Variants in B4GALNT3 observed in about 807,000 individuals in gnomAD.
B4GALNT3 encodes the protein beta-1,4-N-acetylgalactosaminyltransferase 3.
In B4GALNT3, 86 loss-of-function variants were observed where a neutral mutation model predicts 120.2. The observed-to-expected ratio is 0.72, with a 90% CI of 0.60 to 0.86. B4GALNT3 has a LOEUF of 0.86. B4GALNT3 is among the 40% of genes least tolerant of loss of function. B4GALNT3 has a pLI of 0.00. For synonymous variants in B4GALNT3, 518 were observed against 510.4 expected (o/e 1.01, Z -0.20); for missense variants, 1,167 against 1,298.9 (o/e 0.90, Z 1.56).
At chr12:537,288 G>T (rs550531796) in intron 3 of B4GALNT3, among the ~76,000 whole-genome samples, 2 of 152,114 alleles carry the variant, frequency 1.3e-5, no homozygotes, top group South Asian at 2.1e-4. Context: ...TCATCTTTTG[G>T]TTTTTTATTT....
In B4GALNT3 at chr12:546,774, G is replaced by A. The variant is rs192150304; in HGVS notation, c.707+61G>A. ...CGGTGCCTCGGTGGAGCCCGGCTGC[G>A]CCCCTGTCCGCCAGCCCAGCTGCCG... On this transcript the variant is annotated intron_variant, in intron 7 of 19. Coordinates refer to ENST00000266383, the MANE Select transcript of B4GALNT3 (RefSeq NM_173593.4). The A allele has an allele frequency of 1.4e-3, 2,087 of 1,465,220 alleles. 26 individuals carry two copies. In the African/African-American group the frequency reaches 0.026, roughly 18 times the overall value. The allele number at this position is 1,465,220 out of a possible 1,614,324, so 90.8% of individuals were successfully genotyped here. A position where few individuals can be genotyped will look rare whatever the true frequency, so the allele number is the denominator to read the frequency against.
In B4GALNT3 at chr12:536,140, A is replaced by T. The variant is rs74056261; in HGVS notation, c.274-78A>T. The T allele has an allele frequency of 1.9e-3, 2,309 of 1,217,364 alleles. 35 individuals carry two copies. In the African/African-American group the frequency reaches 0.031, roughly 16 times the overall value. The allele number at this position is 1,217,364 out of a possible 1,614,324, so 75.4% of individuals were successfully genotyped here. On this transcript the variant is annotated intron_variant, in intron 2 of 19. Transcript: ENST00000266383. Reference sequence around the variant, plus strand: ...CTCCGAGCCGACGCCTCCTGGGAGCAGGCACTGTGCCTCCTGTCCTGCCCG... The same window carrying T: ...CTCCGAGCCGACGCCTCCTGGGAGCTGGCACTGTGCCTCCTGTCCTGCCCG...
rs376125455 is a variant in B4GALNT3, at chr12:554,005, G to A, written c.2060+22G>A. 6 of 1,565,838 alleles carry A rather than the reference G, an allele frequency of 3.8e-6. No individual in the cohort carries two copies. The African/African-American group carries it at 8.1e-5, about 21-fold the overall frequency. ...GGGGGTAAGGTAAAGGGCTCTCCTG[G>A]GGCCAGGGACTGGGGCACGTGGCAG... On this transcript the variant is annotated intron_variant, in intron 14 of 19. Coordinates refer to ENST00000266383, the MANE Select transcript of B4GALNT3 (RefSeq NM_173593.4).
chr12:480,253 G>T (rs1340586335), intron 1 of B4GALNT3, among the ~76,000 whole-genome samples: 2 of 152,096 alleles, frequency 1.3e-5, no homozygotes, highest in Non-Finnish European at 2.9e-5. Flanking sequence ...CAATTAAAAA[G>T]GAAAAAACAT....
chr12:513,764 A>G (rs752457206), intron 1 of B4GALNT3, among the ~76,000 whole-genome samples: 1 of 152,142 alleles, frequency 6.6e-6, no homozygotes, highest in Non-Finnish European at 1.5e-5. Flanking sequence ...GGCCTCAAAC[A>G]TTTTTGTATA....
At chr12:477,020 A>G (rs1328450223) in intron 1 of B4GALNT3, among the ~76,000 whole-genome samples, 1 of 152,152 alleles carries the variant, frequency 6.6e-6, no homozygotes. Context: ...GCTGCCCCTT[A>G]AAAAGGTTAT....
At chr12:508,044 T>C (rs7316368) in intron 1 of B4GALNT3, among the ~76,000 whole-genome samples, 95,369 of 152,088 alleles carry the variant, frequency 0.63, 31,346 homozygotes, top group Non-Finnish European at 0.73. Flanking sequence ...AAGAAATTTC[T>C]CATGATCATC....
intron 1 of B4GALNT3, among the ~76,000 whole-genome samples, chr12:519,521 G>GGA (rs886511804): frequency 6.6e-6 from 1 of 151,902 alleles, no homozygotes; most frequent in Non-Finnish European, 1.5e-5. Flanking sequence ...GTGGCAATAA[G>GGA]GCTCCCTCCC....
intron 13 of B4GALNT3, chr12:552,946 T>A: frequency 1.8e-6 from 1 of 557,274 alleles, no homozygotes; most frequent in Non-Finnish European, 3.1e-6. Context: ...TGTGATGCCG[T>A]TTATCTCACT....
chr12:497,408 G>A (rs983954228), intron 1 of B4GALNT3, among the ~76,000 whole-genome samples: 4 of 151,432 alleles, frequency 2.6e-5, no homozygotes, highest in Non-Finnish European at 5.9e-5. Context: ...CTCCCAAAGT[G>A]CTGGGATTAC....
chr12:559,621 CTCTG>C (rs1382945860), intron 19 of B4GALNT3, among the ~76,000 whole-genome samples, 200 bp downstream of exon 19: 2 of 152,200 alleles, frequency 1.3e-5, no homozygotes, highest in East Asian at 1.9e-4. Context: ...GTGACTCGCC[CTCTG>C]TCTGTGTCAC....
chr12:561,479 T>A lies in B4GALNT3; in HGVS notation c.*28T>A. On this transcript the variant is annotated 3_prime_UTR_variant, in exon 20 of 20. Transcript: ENST00000266383. ...GGAGGGTGTCCGCGGGGCCCAGCAC[T>A]CCCCGCTCTGGACTAGCAGTGGCTC... is the stretch of plus-strand genomic sequence containing the variant. 6.5e-7 allele frequency: 1 copy of A among 1,543,632 alleles called. No homozygotes were observed. Among genetic ancestry groups the A allele is most frequent in the Non-Finnish European group, 8.9e-7 (1 of 1,124,362 alleles).
Position 561,553 on chromosome 12 carries a change from A to AT in B4GALNT3, c.*102_*103insT. ...GGATGGGGAGTGGGGTGACGGCTGG[A>AT]CCCCAAGAGGCCTCGAAGCTGACGG... is the stretch of plus-strand genomic sequence containing the variant. On this transcript the variant is annotated 3_prime_UTR_variant, in exon 20 of 20. Coordinates refer to ENST00000266383, the MANE Select transcript of B4GALNT3 (RefSeq NM_173593.4). 1.1e-6 allele frequency: 1 copy of AT among 933,592 alleles called. No individual in the cohort carries two copies. The highest frequency in any genetic ancestry group is 1.6e-6 in the Non-Finnish European group (1 of 621,946). 57.8% of individuals were successfully genotyped at this position (933,592 alleles called of 1,614,324 possible).
Position 548,626 on chromosome 12 carries a change from G to T in B4GALNT3, c.853+329G>T, listed in dbSNP as rs1947036868. On this transcript the variant is annotated intron_variant, in intron 9 of 19. Transcript: ENST00000266383. The surrounding 1 kb of genome is among the most constrained non-coding windows in gnomAD (Gnocchi z 4.9). Reference sequence around the variant, plus strand: ...AGCTCACACCAGATCTAAAAACTCTGAGGCTGGGTGCGGTGGCTCATACCT... The same window carrying T: ...AGCTCACACCAGATCTAAAAACTCTTAGGCTGGGTGCGGTGGCTCATACCT... 6.6e-6 allele frequency among the ~76,000 whole-genome samples: 1 copy of T among 152,146 alleles called. No homozygotes were observed. The highest frequency in any genetic ancestry group is 6.5e-5 in the Admixed American group (1 of 15,274).
intron 3 of B4GALNT3, among the ~76,000 whole-genome samples, chr12:540,772 C>T (rs1281091481): frequency 6.6e-6 from 1 of 151,816 alleles, no homozygotes; most frequent in Non-Finnish European, 1.5e-5. Flanking sequence ...GAGACGGAGT[C>T]TCGCTCTGTC....
intron 1 of B4GALNT3, among the ~76,000 whole-genome samples, chr12:534,574 C>T (rs962541968): frequency 6.6e-5 from 10 of 152,176 alleles, no homozygotes; most frequent in East Asian, 5.8e-4. Context: ...GTCAGCCACA[C>T]GCAGCCTCCC....
At position 511,679 on chromosome 12, in the gene B4GALNT3, G is replaced by GACCTTCCGCCTTCCGCCTTCCT. The variant is rs1946565420; in HGVS notation, c.170-23487_170-23486insACCTTCCGCCTTCCGCCTTCCT. On this transcript the variant is annotated intron_variant, in intron 1 of 19. Transcript: ENST00000266383. ...TTCGAGCTTCCACCTTCCGCCTTCC[G>GACCTTCCGCCTTCCGCCTTCCT]CCTTCCACCTTCTGTCTTCCACCTT... 5.3e-5 allele frequency among the ~76,000 whole-genome samples: 3 copies of GACCTTCCGCCTTCCGCCTTCCT among 57,112 alleles called. 1 individual carries two copies. Among genetic ancestry groups the GACCTTCCGCCTTCCGCCTTCCT allele is most frequent in the Non-Finnish European group, 1.1e-4 (3 of 26,698 alleles). The allele number at this position is 57,112 out of a possible 152,430, so 37.5% of individuals were successfully genotyped here. A position where few individuals can be genotyped will look rare whatever the true frequency, so the allele number is the denominator to read the frequency against.
intron 1 of B4GALNT3, among the ~76,000 whole-genome samples, chr12:511,482 T>TCCACCTTCCACCTTCCAC (rs1555154929): frequency 1.5e-5 from 1 of 66,228 alleles, no homozygotes; most frequent in Non-Finnish European, 2.5e-5. Flanking sequence ...TCTTCCACCT[T>TCCACCTTCCACCTTCCAC]CTTCCACCTT....
At chr12:549,955 G>A in intron 10 of B4GALNT3, 43 bp downstream of exon 10, 1 of 1,559,150 alleles carries the variant, frequency 6.4e-7, no homozygotes, top group Non-Finnish European at 8.7e-7. Context: ...TGGGGACACT[G>A]CACTGCCAGG....
Sources: gnomAD v4.1 joint callset for allele counts (sites outside exome capture counted in the v4.1 genomes callset) on GRCh38, gnomAD v4.1.1 for gene constraint, Gnocchi (gnomAD v3.1) non-coding constraint, MANE v1.5 for transcripts, NCBI Gene and HGNC (gene_info 2026-07-23, HGNC 2026-07-21) for gene names.